LINGO1: variants seen among roughly 807,000 people sequenced by gnomAD.
LINGO1 encodes the protein leucine rich repeat and Ig domain containing 1, also known as leucine-rich repeat and immunoglobulin-like domain-containing nogo receptor-interacting protein 1.
Under a neutral mutation model 37.3 loss-of-function variants are expected in LINGO1, and 11 were observed. That is an observed-to-expected ratio of 0.29 (90% CI 0.19 to 0.49). The LOEUF is 0.49. Among genes scored for constraint, LINGO1 ranks in the 20% least tolerant of loss-of-function variants. LINGO1 has a pLI of 0.99. For missense variants in LINGO1, 585 were observed against 878.2 expected, an observed-to-expected ratio of 0.67 and a Z score of 4.22; for synonymous variants, 387 against 403.0, an observed-to-expected ratio of 0.96 and a Z score of 0.48.
intron 3 of LINGO1, among the ~76,000 whole-genome samples, chr15:77,657,707 A>T (rs1346329504): frequency 2.0e-5 from 3 of 151,870 alleles, no homozygotes; most frequent in Non-Finnish European, 2.9e-5. Flanking sequence ...TCCTCTGAGG[A>T]TCTCTCCCCC....
At chr15:77,674,558 G>C (rs6495241) in intron 3 of LINGO1, among the ~76,000 whole-genome samples, 41,537 of 151,604 alleles carry the variant, frequency 0.27, 6,585 homozygotes, top group African/African-American at 0.44. Flanking sequence ...ACACCAACCA[G>C]CCTTCTTGCC....
rs143150538 is a variant in LINGO1 at position 77,724,939 on chromosome 15, C to T, written c.-195+10053G>A. On this transcript the variant is annotated intron_variant, in intron 2 of 3. Transcript: ENST00000561686. ...CTGCTTCCCAGACGGTGTGTGGACC[C>T]GGCCACCGCCCCACCCCAGGAGAGC... is the stretch of plus-strand genomic sequence containing the variant. Among the ~76,000 whole-genome samples the T allele has an allele frequency of 3.4e-3, 513 of 152,336 alleles. 6 individuals are homozygous for T. Among genetic ancestry groups the T allele is most frequent in the African/African-American group, 0.012 (487 of 41,560 alleles).
chr15:77,670,815 C>T (rs2075234746), intron 3 of LINGO1, among the ~76,000 whole-genome samples: 1 of 152,232 alleles, frequency 6.6e-6, no homozygotes, highest in Non-Finnish European at 1.5e-5. Flanking sequence ...AGGCAGGCAG[C>T]TCTGTGGCTG....
At chr15:77,713,213 TGTG>T (rs2141296281) in intron 2 of LINGO1, among the ~76,000 whole-genome samples, 1 of 63,242 alleles carries the variant, frequency 1.6e-5, no homozygotes, top group African/African-American at 5.7e-5. Flanking sequence ...CAGCTAATTG[TGTG>T]TGTGTGTGTG....
intron 3 of LINGO1, chr15:77,649,222 T>C (rs941147500): frequency 9.8e-5 from 15 of 152,334 alleles, no homozygotes; most frequent in African/African-American, 3.4e-4. Context: ...GTCATATAAA[T>C]GGGAATGTTC....
chr15:77,774,518 T>C (rs550223366), intron 1 of LINGO1, among the ~76,000 whole-genome samples: 1 of 152,124 alleles, frequency 6.6e-6, no homozygotes, highest in East Asian at 1.9e-4. Flanking sequence ...GGCTGCTCTG[T>C]GGGATCACGC....
chr15:77,748,687 T>TC (rs1444484825), intron 1 of LINGO1, among the ~76,000 whole-genome samples: 2 of 152,112 alleles, frequency 1.3e-5, no homozygotes, highest in East Asian at 3.9e-4. Flanking sequence ...TCTTTTTTTT[T>TC]CTTTTTCTTT....
At chr15:77,816,694 C>G (rs1216479305) in intron 1 of LINGO1, among the ~76,000 whole-genome samples, 1 of 152,036 alleles carries the variant, frequency 6.6e-6, no homozygotes. Context: ...TTTTCATCCC[C>G]GGCAGAATAG....
Position 77,615,227 on chromosome 15 carries a change from A to G in LINGO1, c.680T>C (p.Ile227Thr). Residue 227 changes from isoleucine to threonine, a missense_variant, in exon 2 of 2, where the codon ATC becomes ACC. Around this residue, in one of 4 missense-constraint regions of LINGO1, gnomAD observed 484 missense variants for 735.0 expected, o/e 0.66. Coordinates refer to ENST00000355300, the MANE Select transcript of LINGO1 (RefSeq NM_032808.7). ...LIVLRLRHLNINAIRDYSFKR... is the reference protein window; with the variant it reads ...LIVLRLRHLNTNAIRDYSFKR... ...GAAGGAGTAGTCCCGGATGGCATTG[A>G]TGTTGAGGTGCCGGAGCCTCAGGAC... is the stretch of plus-strand genomic sequence containing the variant. 1.2e-6 allele frequency: 2 copies of G among 1,613,682 alleles called. No individual in the cohort carries two copies. The highest frequency in any genetic ancestry group is 1.7e-6 in the Non-Finnish European group (2 of 1,179,808).
rs779044131 is a variant in LINGO1, at chr15:77,657,879, G to A, written c.-13+19210C>T. ...GAGTTAAAACATTCTTCACACTCCCGCCTCCTTTACTGTTCTGATGCACCA... is the reference window on the plus strand; with the variant it reads ...GAGTTAAAACATTCTTCACACTCCCACCTCCTTTACTGTTCTGATGCACCA... On this transcript the variant is annotated intron_variant, in intron 3 of 3. Coordinates refer to the LINGO1 transcript ENST00000559893. Among the ~76,000 whole-genome samples the A allele has an allele frequency of 8.5e-5, 13 of 152,126 alleles. 1 individual carries two copies. The East Asian group carries it at 2.3e-3, about 27-fold the overall frequency.
At chr15:77,662,035 G>A (rs1355235680) in intron 3 of LINGO1, among the ~76,000 whole-genome samples, 1 of 152,220 alleles carries the variant, frequency 6.6e-6, no homozygotes, top group Non-Finnish European at 1.5e-5. Flanking sequence ...AAGAGGAGAT[G>A]GTAGGTAGGT....
chr15:77,733,601 GC>G (rs2076174590), intron 2 of LINGO1, among the ~76,000 whole-genome samples: 1 of 152,268 alleles, frequency 6.6e-6, no homozygotes, highest in African/African-American at 2.4e-5. Context: ...ATCCTACCTC[GC>G]GACCGAGGCC....
chr15:77,693,251 G>A (rs1034824209), intron 1 of LINGO1, among the ~76,000 whole-genome samples: 2 of 152,172 alleles, frequency 1.3e-5, no homozygotes, highest in Non-Finnish European at 2.9e-5. Context: ...ATTCACTGGG[G>A]TACAACACAG....
At position 77,810,264 on chromosome 15, in the gene LINGO1, A is replaced by ACACT. The variant is rs969468096; in HGVS notation, c.-458+9990_-458+9993dup. On this transcript the variant is annotated intron_variant, in intron 1 of 5. Transcript: ENST00000562933. ...CACACACACACGCATACACATGCAC[A>ACACT]CACTCACACACACATACACAAGCAC... Among the ~76,000 whole-genome samples the ACACT allele has an allele frequency of 2.3e-5, 3 of 130,740 alleles. No homozygotes were observed. In the East Asian group the frequency reaches 6.6e-4, roughly 29 times the overall value. The allele number at this position is 130,740 out of a possible 152,430, so 85.8% of individuals were successfully genotyped here. A position where few individuals can be genotyped will look rare whatever the true frequency, so the allele number is the denominator to read the frequency against.
chr15:77,782,048 G>A lies in LINGO1; in HGVS notation c.-257+4821C>T, dbSNP rs573591287. ...CCAGAATTTTAAGCAGTTTTTGGAG[G>A]AAAACGAGGAGCAGGTTCAGCTGTA... is the stretch of plus-strand genomic sequence containing the variant. On this transcript the variant is annotated intron_variant, in intron 1 of 3. Coordinates refer to the LINGO1 transcript ENST00000561686. Among the ~76,000 whole-genome samples, 14 of 152,362 alleles carry A rather than the reference G, an allele frequency of 9.2e-5. No individual in the cohort carries two copies. In the South Asian group the frequency reaches 2.7e-3, roughly 29 times the overall value.
chr15:77,664,158 T>TGCGC (rs1440093557), intron 3 of LINGO1, among the ~76,000 whole-genome samples: 4 of 120,658 alleles, frequency 3.3e-5, no homozygotes, highest in Non-Finnish European at 5.5e-5. Flanking sequence ...TGTGTGTGTG[T>TGCGC]GTGTGTGTGT....
At chr15:77,628,069 G>C (rs1288708122) in intron 1 of LINGO1, among the ~76,000 whole-genome samples, 1 of 152,208 alleles carries the variant, frequency 6.6e-6, no homozygotes, top group Non-Finnish European at 1.5e-5. Context: ...ACCGAGTGTT[G>C]ATCAGGATGG....
chr15:77,753,255 T>G (rs1481227885), intron 1 of LINGO1, among the ~76,000 whole-genome samples: 2 of 152,188 alleles, frequency 1.3e-5, no homozygotes, highest in Non-Finnish European at 2.9e-5. Flanking sequence ...AAAGCTTCCT[T>G]GTAATGCAAT....
At chr15:77,715,593 T>C (rs1487046474) in intron 2 of LINGO1, among the ~76,000 whole-genome samples, 1 of 152,202 alleles carries the variant, frequency 6.6e-6, no homozygotes. Context: ...GCAAGTCACA[T>C]AACAGTACTC....
Sources: gnomAD v4.1 joint callset for allele counts (sites outside exome capture counted in the v4.1 genomes callset) on GRCh38, gnomAD v4.1.1 for gene constraint, gnomAD v4.1.1 regional missense constraint, MANE v1.5 for transcripts, NCBI Gene and HGNC (gene_info 2026-07-23, HGNC 2026-07-21) for gene names.